Variants in TEX48 observed in about 807,000 individuals in gnomAD.
TEX48 encodes testis-expressed protein 48.
In TEX48, 10 loss-of-function variants were observed where a neutral mutation model predicts 13.2. The observed-to-expected ratio is 0.75, with a 90% confidence interval of 0.47 to 1.28. The LOEUF (loss-of-function observed/expected upper bound fraction) is 1.28, where lower values mean the gene tolerates loss of function less well. Among genes scored for constraint, TEX48 ranks in the 50% most tolerant of loss-of-function variants. The probability of loss-of-function intolerance (pLI) is 0.00; values close to 1 mark genes in which losing one functional copy is unlikely to be tolerated. For missense variants in TEX48, 116 were observed against 139.4 expected (o/e 0.83, Z 0.84); for synonymous variants, 45 against 52.3 (o/e 0.86, Z 0.60).
At chr9:114,681,577 T>C (rs983827242) in intron 1 of TEX48, among the ~76,000 whole-genome samples, 1 of 152,196 alleles carries the variant, frequency 6.6e-6, no homozygotes, top group Non-Finnish European at 1.5e-5. Context: ...TAGCACAGCT[T>C]TCTGGTGTGT....
intron 1 of TEX48, among the ~76,000 whole-genome samples, chr9:114,679,540 T>C (rs1738973136): frequency 6.6e-6 from 1 of 152,194 alleles, no homozygotes; most frequent in Admixed American, 6.5e-5. Flanking sequence ...TAAATATAAA[T>C]GAACAGCTAT....
intron 1 of TEX48, among the ~76,000 whole-genome samples, chr9:114,678,838 CAA>C (rs34355690): frequency 4.6e-3 from 322 of 70,714 alleles, no homozygotes; most frequent in African/African-American, 0.013. Flanking sequence ...GATCCTGACT[CAA>C]AAAAAAAAAA....
chr9:114,680,412 C>CCA (rs1828172184), intron 1 of TEX48, among the ~76,000 whole-genome samples: 1 of 152,164 alleles, frequency 6.6e-6, no homozygotes, highest in Non-Finnish European at 1.5e-5. Flanking sequence ...CAGGCGTGAG[C>CCA]CACTGTGCCT....
intron 2 of TEX48, 32 bp downstream of exon 2, chr9:114,671,688 A>T (rs1564316242): frequency 6.5e-7 from 1 of 1,535,484 alleles, no homozygotes; most frequent in East Asian, 2.4e-5. Flanking sequence ...TGCCTAGGCC[A>T]TTTTTTCCTA....
chr9:114,674,599 T>G (rs1828018517), intron 1 of TEX48, among the ~76,000 whole-genome samples: 1 of 132,768 alleles, frequency 7.5e-6, no homozygotes, highest in Non-Finnish European at 1.6e-5. Flanking sequence ...TTTTCTCTTT[T>G]TCTTTCCTTC....
intron 4 of TEX48, among the ~76,000 whole-genome samples, chr9:114,667,099 G>T (rs1282153493): frequency 1.3e-5 from 2 of 152,188 alleles, no homozygotes; most frequent in Non-Finnish European, 2.9e-5. Context: ...CCTATGGGGG[G>T]GTGGGAAGGG....
intron 2 of TEX48, 92 bp from the exon 3 acceptor site, chr9:114,671,597 T>A: frequency 6.6e-7 from 1 of 1,523,950 alleles, no homozygotes; most frequent in Non-Finnish European, 8.8e-7. Context: ...TATCATTGGG[T>A]CAGCCTCTCC....
At chr9:114,678,109 A>T (rs1365944023) in intron 1 of TEX48, among the ~76,000 whole-genome samples, 1 of 152,210 alleles carries the variant, frequency 6.6e-6, no homozygotes, top group Non-Finnish European at 1.5e-5. Context: ...AGAGAAGACA[A>T]AAATGCCAAA....
intron 4 of TEX48, 38 bp from the exon 5 acceptor site, chr9:114,666,784 CCTTTGAATTGGG>C: frequency 1.9e-6 from 2 of 1,057,272 alleles, no homozygotes; most frequent in South Asian, 2.8e-5. Context: ...TGGGTGAAGG[CCTTTGAATTGGG>C]CTTTGATGAA....
At chr9:114,668,059 C>T in intron 4 of TEX48, 147 bp downstream of exon 4, 2 of 1,015,070 alleles carry the variant, frequency 2.0e-6, no homozygotes, top group Non-Finnish European at 2.8e-6. Flanking sequence ...CCCCAGTGTG[C>T]TCTGGAATAT....
At chr9:114,668,940 A>G (rs2133756791) in intron 3 of TEX48, among the ~76,000 whole-genome samples, 1 of 152,038 alleles carries the variant, frequency 6.6e-6, no homozygotes, top group African/African-American at 2.4e-5. Context: ...AGGCTCAAGC[A>G]ATCCTCCTGC....
intron 1 of TEX48, among the ~76,000 whole-genome samples, chr9:114,680,121 C>CTTTTTTTTTTTTTTTTTT (rs1222465975): frequency 6.7e-5 from 3 of 44,594 alleles, no homozygotes; most frequent in Non-Finnish European, 1.2e-4. Flanking sequence ...GTCATTGTCC[C>CTTTTTTTTTTTTTTTTTT]TTTTTTTTTT....
chr9:114,677,176 C>G (rs534924915), intron 1 of TEX48, among the ~76,000 whole-genome samples: 2 of 152,244 alleles, frequency 1.3e-5, no homozygotes, highest in African/African-American at 4.8e-5. Flanking sequence ...GGGGCACTCA[C>G]TAGGTCCATT....
chr9:114,671,207 T>G (rs1456436322), intron 3 of TEX48, among the ~76,000 whole-genome samples, 176 bp downstream of exon 3: 2 of 152,176 alleles, frequency 1.3e-5, no homozygotes, highest in Admixed American at 1.3e-4. Context: ...GCACAAGAGT[T>G]TAAGCTCTCT....
intron 1 of TEX48, 92 bp from the exon 2 acceptor site, chr9:114,671,919 C>T (rs1230145580): frequency 4.9e-6 from 3 of 615,684 alleles, no homozygotes; most frequent in East Asian, 2.8e-5. Context: ...AATCCCACCT[C>T]ATGCAGACAT....
chr9:114,666,850 C>G (rs1827851115), intron 4 of TEX48, 104 bp from the exon 5 acceptor site: 1 of 645,530 alleles, frequency 1.5e-6, no homozygotes, highest in Admixed American at 2.8e-5. Flanking sequence ...TCCTCAGCTT[C>G]TTGAATCTCA....
intron 4 of TEX48, among the ~76,000 whole-genome samples, chr9:114,667,979 C>T (rs920669444): frequency 6.6e-6 from 1 of 152,056 alleles, no homozygotes; most frequent in African/African-American, 2.4e-5. Flanking sequence ...CCCTTCCCCC[C>T]AGACCTGCTC....
At chr9:114,671,892 G>A in intron 1 of TEX48, 65 bp from the exon 2 acceptor site, 1 of 701,178 alleles carries the variant, frequency 1.4e-6, no homozygotes, top group Non-Finnish European at 2.4e-6. Flanking sequence ...ACTCCAGATA[G>A]GATCTAATGA....
rs1039251176 is a variant in TEX48 at position 114,681,312 on chromosome 9, C to T, written c.-105+723G>A. On this transcript the variant is annotated intron_variant, in intron 1 of 4. Coordinates refer to ENST00000436752, the MANE Select transcript of TEX48 (RefSeq NM_001199233.2). ...AAGAGGGTAGTAGAACCACTTTCTC[C>T]TCTAAGTGTTGACAGCAGAGAGCTT... is the stretch of plus-strand genomic sequence containing the variant. Among the ~76,000 whole-genome samples the T allele has an allele frequency of 2.0e-5, 3 of 152,144 alleles. No individual in the cohort carries two copies. In the East Asian group the frequency reaches 5.8e-4, roughly 29 times the overall value.
Sources: gnomAD v4.1 joint callset for allele counts (sites outside exome capture counted in the v4.1 genomes callset) on GRCh38, gnomAD v4.1.1 for gene constraint, MANE v1.5 for transcripts, NCBI Gene and HGNC (gene_info 2026-07-23, HGNC 2026-07-21) for gene names.